Variants in BTBD1 observed in about 807,000 individuals in gnomAD.
BTBD1 encodes BTB/POZ domain-containing protein 1.
Under a neutral mutation model 48.0 loss-of-function variants are expected in BTBD1, and 34 were observed. That is an observed-to-expected ratio of 0.71 (90% CI 0.54 to 0.94). BTBD1 has a LOEUF of 0.94. BTBD1 is among the 40% of genes least tolerant of loss of function. The probability of loss-of-function intolerance (pLI) is 0.00; values close to 1 mark genes in which losing one functional copy is unlikely to be tolerated. For missense variants in BTBD1, 543 were observed against 625.6 expected (o/e 0.87, Z 1.41); for synonymous variants, 261 against 242.1 (o/e 1.08, Z -0.72).
At chr15:83,040,712 A>AAC (rs774586762) in intron 4 of BTBD1, among the ~76,000 whole-genome samples, 3,206 of 151,574 alleles carry the variant, frequency 0.021, 53 homozygotes, top group Middle Eastern at 0.038. Context: ...AAAAAAAAAA[A>AAC]AAAAAAAAAC....
intron 3 of BTBD1, among the ~76,000 whole-genome samples, chr15:83,045,123 A>C (rs1365480995): frequency 6.6e-6 from 1 of 152,242 alleles, no homozygotes; most frequent in African/African-American, 2.4e-5. Flanking sequence ...TGCTATAGTT[A>C]CAGCAGAAAT....
At chr15:83,060,409 T>A (rs2033157172) in intron 1 of BTBD1, among the ~76,000 whole-genome samples, 1 of 150,902 alleles carries the variant, frequency 6.6e-6, no homozygotes, top group Non-Finnish European at 1.5e-5. Context: ...CACAGAAAAA[T>A]TATTACATGT....
At chr15:83,048,738 T>C (rs1461378878) in intron 3 of BTBD1, among the ~76,000 whole-genome samples, 1 of 152,244 alleles carries the variant, frequency 6.6e-6, no homozygotes, top group Non-Finnish European at 1.5e-5. Flanking sequence ...TAAGTTCCTA[T>C]GGCATATTTC....
intron 3 of BTBD1, among the ~76,000 whole-genome samples, chr15:83,043,655 T>TA (rs2032812622): frequency 6.6e-6 from 1 of 152,112 alleles, no homozygotes; most frequent in African/African-American, 2.4e-5. Flanking sequence ...AAGACTCAAT[T>TA]AGATTTCCTA....
chr15:83,064,249 C>T (rs6603046), intron 1 of BTBD1, among the ~76,000 whole-genome samples: 69,955 of 151,964 alleles, frequency 0.46, 17,172 homozygotes, highest in African/African-American at 0.6. Flanking sequence ...ACAACATCTA[C>T]GTTACACAGC....
intron 3 of BTBD1, among the ~76,000 whole-genome samples, chr15:83,045,370 C>T (rs1337568355): frequency 6.6e-6 from 1 of 152,022 alleles, no homozygotes; most frequent in Non-Finnish European, 1.5e-5. Context: ...TGGCAGGTGC[C>T]TGTGTAATCC....
chr15:83,042,374 A>ATATATATATG (rs1555440271), intron 3 of BTBD1, among the ~76,000 whole-genome samples: 2 of 121,978 alleles, frequency 1.6e-5, no homozygotes, highest in Non-Finnish European at 3.5e-5. Context: ...ATATATATAT[A>ATATATATATG]TATGTATGTA....
At chr15:83,025,790 G>A (rs1287393612) in intron 5 of BTBD1, among the ~76,000 whole-genome samples, 2 of 150,380 alleles carry the variant, frequency 1.3e-5, no homozygotes. Flanking sequence ...TTTTTTTTGA[G>A]ATGGAGTCTC....
At chr15:83,039,123 A>C (rs2032687261) in intron 4 of BTBD1, among the ~76,000 whole-genome samples, 1 of 152,164 alleles carries the variant, frequency 6.6e-6, no homozygotes, top group Non-Finnish European at 1.5e-5. Flanking sequence ...AAATATTCAC[A>C]AACTATGTGT....
intron 3 of BTBD1, among the ~76,000 whole-genome samples, chr15:83,047,436 G>A (rs140119341): frequency 4.2e-4 from 64 of 152,274 alleles, no homozygotes; most frequent in South Asian, 3.9e-3. Context: ...AGAATGGTAG[G>A]AGACAAAGTC....
chr15:83,055,066 T>C (rs543263387), intron 2 of BTBD1, among the ~76,000 whole-genome samples: 12 of 152,308 alleles, frequency 7.9e-5, no homozygotes, highest in African/African-American at 2.9e-4. Context: ...TTTTATCACC[T>C]TAGAATTTTA....
intron 4 of BTBD1, among the ~76,000 whole-genome samples, chr15:83,040,711 A>C (rs933948506): frequency 1.5e-4 from 23 of 151,582 alleles, no homozygotes; most frequent in Admixed American, 7.2e-4. Context: ...AAAAAAAAAA[A>C]AAAAAAAAAA....
At chr15:83,026,201 C>G (rs568920774) in intron 5 of BTBD1, among the ~76,000 whole-genome samples, 1 of 152,200 alleles carries the variant, frequency 6.6e-6, no homozygotes, top group East Asian at 1.9e-4. Context: ...TTTAAATATA[C>G]TTTTTATAAG....
chr15:83,023,113 G>A (rs1426595457), intron 5 of BTBD1, among the ~76,000 whole-genome samples: 2 of 151,734 alleles, frequency 1.3e-5, no homozygotes, highest in Admixed American at 1.3e-4. Context: ...ACATTTCTAT[G>A]AACATATATG....
At chr15:83,033,485 T>C (rs1375896873) in intron 4 of BTBD1, among the ~76,000 whole-genome samples, 1 of 152,098 alleles carries the variant, frequency 6.6e-6, no homozygotes, top group Non-Finnish European at 1.5e-5. Flanking sequence ...TTAAAATACA[T>C]GAAATAGTAG....
At chr15:83,051,898 A>ACACACACACACG (rs2032993233) in intron 2 of BTBD1, among the ~76,000 whole-genome samples, 1 of 151,598 alleles carries the variant, frequency 6.6e-6, no homozygotes. Flanking sequence ...ACACACACAC[A>ACACACACACACG]CACACATCTA....
In BTBD1 at chr15:83,067,111, G is replaced by C. The variant is rs1312996378; in HGVS notation, c.41C>G (p.Ser14Trp). Residue 14 changes from serine (S) to tryptophan (W), a missense_variant, in exon 1 of 8, where the codon TCG becomes TGG. Physicochemically the swap from Ser to Trp is radical, Grantham distance 177. Transcript: ENST00000261721. ...GGGGCCCGGCTCCGCCTCAGCCCCC[G>C]ACGCCTGCTCCCCAGCTGCGGCAGG... ...LGPAAAGEQA[S>W]GAEAEPGPAG... is the part of the protein sequence containing the mutation. 1 of 1,470,410 alleles carries C rather than the reference G, an allele frequency of 6.8e-7. No homozygotes were observed. The allele number at this position is 1,470,410 out of a possible 1,614,324, so 91.1% of individuals were successfully genotyped here. A position where few individuals can be genotyped will look rare whatever the true frequency, so the allele number is the denominator to read the frequency against.
rs2033283833 is a variant in BTBD1, at chr15:83,066,773, C to T, written c.379G>A (p.Ala127Thr). Residue 127 changes from alanine to threonine, a missense_variant, in exon 1 of 8, where the codon GCA becomes ACA. By Grantham distance (58) the Ala-to-Thr change is moderately conservative. This residue lies in a region of BTBD1 where 70 missense variants were observed against 111.7 expected (regional missense o/e 0.63). Coordinates refer to ENST00000261721, the MANE Select transcript of BTBD1 (RefSeq NM_025238.4). ...AEIELPDVEP[A>T]AFLALLRFLY... ...CACCTCAGCAGCGCCAGGAAGGCTG[C>T]GGGCTCCACGTCCGGCAGCTCGATC... 7.0e-7 allele frequency: 1 copy of T among 1,422,672 alleles called. No individual in the cohort carries two copies. Among genetic ancestry groups the T allele is most frequent in the South Asian group, 1.5e-5 (1 of 67,738 alleles). The allele number at this position is 1,422,672 out of a possible 1,614,324, so 88.1% of individuals were successfully genotyped here. A position where few individuals can be genotyped will look rare whatever the true frequency, so the allele number is the denominator to read the frequency against.
intron 5 of BTBD1, among the ~76,000 whole-genome samples, chr15:83,028,223 G>A (rs1021136935): frequency 6.6e-6 from 1 of 152,150 alleles, no homozygotes; most frequent in Non-Finnish European, 1.5e-5. Context: ...TGTCAAACAA[G>A]TATTCTTCTA....
Sources: gnomAD v4.1 joint callset for allele counts (sites outside exome capture counted in the v4.1 genomes callset) on GRCh38, gnomAD v4.1.1 for gene constraint, gnomAD v4.1.1 regional missense constraint, MANE v1.5 for transcripts, NCBI Gene and HGNC (gene_info 2026-07-23, HGNC 2026-07-21) for gene names.